Variants in DOCK2 observed in about 807,000 individuals in gnomAD.
DOCK2 encodes the protein dedicator of cytokinesis protein 2.
A neutral mutation model predicts 248.9 loss-of-function variants in DOCK2; 87 were observed. The observed-to-expected ratio is 0.35, with a 90% CI of 0.29 to 0.42. DOCK2 has a LOEUF of 0.42. Among genes scored for constraint, DOCK2 ranks in the 10% least tolerant of loss-of-function variants. DOCK2 has a pLI of 1.00. For missense variants in DOCK2, 1,747 were observed against 2,300.2 expected (o/e 0.76, Z 4.92); for synonymous variants, 805 against 821.6 (o/e 0.98, Z 0.35).
At chr5:170,065,716 C>T (rs1043312991) in intron 44 of DOCK2, among the ~76,000 whole-genome samples, 2 of 152,068 alleles carry the variant, frequency 1.3e-5, no homozygotes, top group African/African-American at 4.8e-5. Flanking sequence ...CTTGTGAGAC[C>T]CATTCACTAT....
In DOCK2 at chr5:169,698,420, A is replaced by G. The variant is rs1465603321; in HGVS notation, c.1026A>G (p.Glu342=). Residue 342 remains glutamate, a synonymous_variant, in exon 11 of 52, where the codon GAA becomes GAG. Transcript: ENST00000520908. ...DIIKGKAESD[E]EKQHFIPFHP... is the part of the protein sequence containing the mutation. ...TCAAGGGGAAAGCAGAGAGTGATGA[A>G]GAAAAGCAGCACTTCATTCCTTTTC... 1 of 1,614,122 alleles carries G rather than the reference A, an allele frequency of 6.2e-7. No individual in the cohort carries two copies. The highest frequency in any genetic ancestry group is 1.3e-5 in the African/African-American group (1 of 75,062).
chr5:169,849,914 G>C (rs193256837), intron 27 of DOCK2, among the ~76,000 whole-genome samples: 2 of 152,344 alleles, frequency 1.3e-5, no homozygotes, highest in East Asian at 3.9e-4. Context: ...CTGCAGGACA[G>C]TGTCAATGAA....
intron 43 of DOCK2, 75 bp from the exon 44 acceptor site, chr5:170,057,505 A>G (rs1380937196): frequency 2.1e-6 from 3 of 1,409,448 alleles, no homozygotes; most frequent in Non-Finnish European, 3.0e-6. Context: ...GTTTCTGCCA[A>G]GCTTCTCCGA....
intron 25 of DOCK2, among the ~76,000 whole-genome samples, chr5:169,774,911 G>T (rs1308848976): frequency 6.6e-6 from 1 of 151,950 alleles, no homozygotes; most frequent in Non-Finnish European, 1.5e-5. Flanking sequence ...TGTTGTTGTT[G>T]TTGTTGTTTT....
chr5:169,752,652 T>A (rs1763961441), intron 23 of DOCK2, among the ~76,000 whole-genome samples: 1 of 151,968 alleles, frequency 6.6e-6, no homozygotes, highest in Non-Finnish European at 1.5e-5. Flanking sequence ...TGGTCACAGC[T>A]ACTCAGGAAG....
At chr5:169,932,529 A>G (rs1262182325) in intron 27 of DOCK2, among the ~76,000 whole-genome samples, 2 of 152,224 alleles carry the variant, frequency 1.3e-5, no homozygotes, top group Non-Finnish European at 2.9e-5. Flanking sequence ...AACAATCTGC[A>G]TGCCTCACTG....
intron 27 of DOCK2, chr5:169,883,292 G>C (rs1350738526): frequency 1.9e-6 from 3 of 1,551,512 alleles, no homozygotes; most frequent in African/African-American, 2.7e-5. Context: ...TCTGGAACCT[G>C]AATGGCAGCT....
chr5:169,898,728 C>T (rs1773756217), intron 27 of DOCK2, among the ~76,000 whole-genome samples: 1 of 152,144 alleles, frequency 6.6e-6, no homozygotes, highest in South Asian at 2.1e-4. Flanking sequence ...AAGTACTCAA[C>T]TCTACCGTTG....
At chr5:169,933,993 A>G (rs1411267203) in intron 27 of DOCK2, among the ~76,000 whole-genome samples, 1 of 152,154 alleles carries the variant, frequency 6.6e-6, no homozygotes, top group Non-Finnish European at 1.5e-5. Context: ...ACCGGCATCT[A>G]TTGCTAATGT....
chr5:170,038,665 G>C (rs1225213665), intron 36 of DOCK2, among the ~76,000 whole-genome samples: 1 of 152,084 alleles, frequency 6.6e-6, no homozygotes, highest in Non-Finnish European at 1.5e-5. Flanking sequence ...CGTCCACCTC[G>C]CTCAAGCACC....
intron 27 of DOCK2, among the ~76,000 whole-genome samples, chr5:169,963,240 G>T (rs1777163779): frequency 6.6e-6 from 1 of 152,182 alleles, no homozygotes; most frequent in South Asian, 2.1e-4. Context: ...ATCAGTTTAT[G>T]TCCATGAACT....
intron 14 of DOCK2, among the ~76,000 whole-genome samples, chr5:169,706,911 C>T (rs1163753595): frequency 6.6e-6 from 1 of 152,188 alleles, no homozygotes; most frequent in Non-Finnish European, 1.5e-5. Context: ...TCACGGAGTG[C>T]CTGTATGTGG....
chr5:170,001,752 T>G (rs948759043), intron 30 of DOCK2, among the ~76,000 whole-genome samples: 6 of 152,214 alleles, frequency 3.9e-5, no homozygotes, highest in Non-Finnish European at 5.9e-5. Context: ...AAAAAGAAGG[T>G]TCTTGCTTGC....
At chr5:170,031,224 C>A (rs996499912) in intron 34 of DOCK2, among the ~76,000 whole-genome samples, 4 of 152,190 alleles carry the variant, frequency 2.6e-5, no homozygotes, top group Non-Finnish European at 4.4e-5. Context: ...TGTTCTTGGG[C>A]CTTTATCCTA....
At chr5:169,983,219 T>C (rs143850069) in intron 28 of DOCK2, 53 bp downstream of exon 28, 601 of 1,580,050 alleles carry the variant, frequency 3.8e-4, no homozygotes, top group Middle Eastern at 1.3e-3. Context: ...CTCTGGAACA[T>C]GGCTTCTGTC....
chr5:169,849,303 G>T (rs1211820489), intron 27 of DOCK2, among the ~76,000 whole-genome samples: 1 of 152,204 alleles, frequency 6.6e-6, no homozygotes, highest in Non-Finnish European at 1.5e-5. Context: ...ACACAGGGAG[G>T]TCATGCAACT....
intron 27 of DOCK2, among the ~76,000 whole-genome samples, chr5:169,919,454 A>T (rs1775055278): frequency 6.6e-6 from 1 of 152,252 alleles, no homozygotes; most frequent in East Asian, 1.9e-4. Context: ...AGTAATGGCC[A>T]GTATCATTAA....
chr5:170,029,126 T>G (rs1756034057), intron 34 of DOCK2, among the ~76,000 whole-genome samples: 1 of 152,208 alleles, frequency 6.6e-6, no homozygotes, highest in Non-Finnish European at 1.5e-5. Flanking sequence ...ATACGGCACC[T>G]ATATTTGACC....
chr5:169,851,360 G>A (rs187069221), intron 27 of DOCK2, among the ~76,000 whole-genome samples: 70 of 152,272 alleles, frequency 4.6e-4, no homozygotes, highest in African/African-American at 1.6e-3. Flanking sequence ...AAAAGAGCAT[G>A]CTTCATTCTC....
Sources: gnomAD v4.1 joint callset for allele counts (sites outside exome capture counted in the v4.1 genomes callset) on GRCh38, gnomAD v4.1.1 for gene constraint, MANE v1.5 for transcripts, NCBI Gene and HGNC (gene_info 2026-07-23, HGNC 2026-07-21) for gene names.